Variants in ACTL6B observed in about 807,000 individuals in gnomAD.
The protein encoded by ACTL6B is actin-like protein 6B.
ACTL6B carries 48 observed loss-of-function variants against 63.3 expected under a neutral mutation model. That is an observed-to-expected ratio of 0.76 (90% CI 0.60 to 0.96). The LOEUF is 0.96. Among genes scored for constraint, ACTL6B ranks in the 50% least tolerant of loss-of-function variants. The pLI, the probability that ACTL6B is intolerant of heterozygous loss-of-function variation, is 0.00. For synonymous variants in ACTL6B, 230 were observed against 223.8 expected (o/e 1.03, Z -0.25); for missense variants, 350 against 572.2 (o/e 0.61, Z 3.96).
At chr7:100,652,193 T>A (rs981866850) in intron 4 of ACTL6B, among the ~76,000 whole-genome samples, 1 of 151,870 alleles carries the variant, frequency 6.6e-6, no homozygotes, top group African/African-American at 2.4e-5. Flanking sequence ...GGTCAGGAGA[T>A]GGAGACCATC....
intron 13 of ACTL6B, among the ~76,000 whole-genome samples, chr7:100,644,145 C>T (rs932955322): frequency 6.6e-6 from 1 of 152,196 alleles, no homozygotes; most frequent in Non-Finnish European, 1.5e-5. Context: ...GATGATCCGC[C>T]CGCCTCGGCC....
chr7:100,656,235 C>T, intron 1 of ACTL6B, 95 bp downstream of exon 1: 2 of 1,298,992 alleles, frequency 1.5e-6, no homozygotes, highest in Non-Finnish European at 2.0e-6. Context: ...CGCTCGTGCG[C>T]GGAGGTGACA....
At chr7:100,649,330 A>G (rs1380900792) in intron 5 of ACTL6B, among the ~76,000 whole-genome samples, 1 of 146,182 alleles carries the variant, frequency 6.8e-6, no homozygotes, top group Non-Finnish European at 1.5e-5. Flanking sequence ...TTTTTTTGAA[A>G]CTGAGTTTCG....
At position 100,646,273 on chromosome 7, in the gene ACTL6B, G is replaced by T. The variant is rs911163354; in HGVS notation, c.1176C>A (p.Ile392=). The T allele has an allele frequency of 5.0e-6, 8 of 1,614,168 alleles. No homozygotes were observed. Among genetic ancestry groups the T allele is most frequent in the African/African-American group, 4.0e-5 (3 of 75,060 alleles). The change falls in exon 13 of 14, where the codon ATC becomes ATA. Residue 392 remains isoleucine (I), a synonymous_variant. Transcript: ENST00000160382. This position sits in a 1 kb window ranked among gnomAD's most constrained non-coding sequence, Gnocchi z 6.1. ...STMERKFSPW[I]GGSILASLGT... Reference sequence around the variant, plus strand: ...CCAGTGAGGCCAGGATGGAACCCCCGATCCAGGGGCTGAACTTGCGCTCCA... The same window carrying T: ...CCAGTGAGGCCAGGATGGAACCCCCTATCCAGGGGCTGAACTTGCGCTCCA...
chr7:100,652,402 A>G (rs1321066468), intron 4 of ACTL6B, among the ~76,000 whole-genome samples: 1 of 149,020 alleles, frequency 6.7e-6, no homozygotes, highest in Non-Finnish European at 1.5e-5. Context: ...AGCCTGGGCA[A>G]CAGAGTGAGA....
chr7:100,644,913 A>G (rs989446552), intron 13 of ACTL6B, among the ~76,000 whole-genome samples: 4 of 152,078 alleles, frequency 2.6e-5, no homozygotes, highest in Non-Finnish European at 5.9e-5. Flanking sequence ...AAAATTAGCC[A>G]GGCGTGGTGG....
At chr7:100,643,987 C>T (rs1023107020) in intron 13 of ACTL6B, among the ~76,000 whole-genome samples, 1 of 152,140 alleles carries the variant, frequency 6.6e-6, no homozygotes, top group Non-Finnish European at 1.5e-5. Context: ...GCAGCCTCCG[C>T]CTCCCAGGTT....
At chr7:100,651,910 T>C (rs1205211296) in intron 4 of ACTL6B, among the ~76,000 whole-genome samples, 1 of 151,766 alleles carries the variant, frequency 6.6e-6, no homozygotes, top group Non-Finnish European at 1.5e-5. Context: ...ACCTGCTCCA[T>C]GAAAACAAAG....
rs540972167 is a variant in ACTL6B at position 100,651,201 on chromosome 7, A to C, written c.370-1066T>G. ...GGATACCTAGCTAAGCTATCAACTC[A>C]AGGTGAGACACACAAAAGTCTCAAA... On this transcript the variant is annotated intron_variant, in intron 4 of 13. Transcript: ENST00000160382. 1.9e-4 allele frequency among the ~76,000 whole-genome samples: 10 copies of C among 51,544 alleles called. No individual in the cohort carries two copies. In the East Asian group the frequency reaches 5.9e-3, roughly 30 times the overall value. 33.8% of individuals were successfully genotyped at this position (51,544 alleles called of 152,430 possible).
intron 1 of ACTL6B, 109 bp downstream of exon 1, chr7:100,656,221 G>T: frequency 1.6e-6 from 2 of 1,260,334 alleles, no homozygotes; most frequent in South Asian, 2.0e-5. Flanking sequence ...CCTGAGACTC[G>T]ACCCGCTCGT....
At chr7:100,651,321 C>T (rs578189120) in intron 4 of ACTL6B, among the ~76,000 whole-genome samples, 25 of 152,108 alleles carry the variant, frequency 1.6e-4, no homozygotes, top group South Asian at 4.2e-4. Context: ...GAGGCCAAGG[C>T]GGGCAGATCA....
In ACTL6B at chr7:100,647,613, C is replaced by T; in HGVS notation, c.670-80G>A. The T allele has an allele frequency of 1.9e-6, 2 of 1,061,402 alleles. No individual in the cohort carries two copies. Among genetic ancestry groups the T allele is most frequent in the South Asian group, 3.1e-5 (2 of 65,140 alleles). 65.7% of individuals were successfully genotyped at this position (1,061,402 alleles called of 1,614,324 possible). A position where few individuals can be genotyped will look rare whatever the true frequency, so the allele number is the denominator to read the frequency against. On this transcript the variant is annotated intron_variant, in intron 7 of 13. Transcript: ENST00000160382. This position sits in a 1 kb window ranked among gnomAD's most constrained non-coding sequence, Gnocchi z 4.4. ...CACCTTCCTGGCACTGTTCCCAGCTCTGCAGCTACCTGGCGCTGCAGGCTC... is the reference window on the plus strand; with the variant it reads ...CACCTTCCTGGCACTGTTCCCAGCTTTGCAGCTACCTGGCGCTGCAGGCTC...
intron 4 of ACTL6B, among the ~76,000 whole-genome samples, chr7:100,652,440 A>G (rs1338531954): frequency 7.3e-6 from 1 of 137,068 alleles, no homozygotes; most frequent in Non-Finnish European, 1.6e-5. Flanking sequence ...AAAAAAAAAT[A>G]CAAAAAATTA....
Position 100,654,981 on chromosome 7 carries a change from A to G in ACTL6B, c.369+38T>C, listed in dbSNP as rs1368910197. 7.8e-6 allele frequency: 12 copies of G among 1,539,740 alleles called. No individual in the cohort carries two copies. The East Asian group carries it at 2.7e-4, about 35-fold the overall frequency. ...GGATGGTGGGAAGGAGGTGCAGTGG[A>G]GATCAGGGTTGGACATGAGGATGGA... On this transcript the variant is annotated intron_variant, in intron 4 of 13. Transcript: ENST00000160382.
chr7:100,652,601 A>G (rs1449535558), intron 4 of ACTL6B, among the ~76,000 whole-genome samples: 2 of 151,628 alleles, frequency 1.3e-5, no homozygotes, highest in African/African-American at 4.8e-5. Flanking sequence ...AAAAAAAAAA[A>G]AAAGAAATTG....
At chr7:100,652,817 A>G (rs899381656) in intron 4 of ACTL6B, among the ~76,000 whole-genome samples, 2 of 150,922 alleles carry the variant, frequency 1.3e-5, no homozygotes, top group African/African-American at 2.4e-5. Flanking sequence ...CCCGGCCAAC[A>G]TGGTGAAACC....
At chr7:100,652,933 G>A (rs894896725) in intron 4 of ACTL6B, among the ~76,000 whole-genome samples, 13 of 142,652 alleles carry the variant, frequency 9.1e-5, no homozygotes, top group African/African-American at 1.3e-4. Flanking sequence ...CCCGGGAGGC[G>A]GAGCTTGCAG....
intron 4 of ACTL6B, among the ~76,000 whole-genome samples, chr7:100,651,486 G>C (rs1464783519): frequency 6.6e-6 from 1 of 151,320 alleles, no homozygotes; most frequent in Non-Finnish European, 1.5e-5. Context: ...GGAAGCGGAG[G>C]TTGCAGTGAG....
rs572248431 is a variant in ACTL6B, at chr7:100,643,363, T to C, written c.1201-37A>G. ...GGGTAATATCAGGGTCAGGGTGGCC[T>C]TGGAGGGAGGTGTGGACAGGCAGGT... On this transcript the variant is annotated intron_variant, in intron 13 of 13. Transcript: ENST00000160382. 8.7e-6 allele frequency: 14 copies of C among 1,609,336 alleles called. No individual in the cohort carries two copies. In the African/African-American group the frequency reaches 1.9e-4, roughly 21 times the overall value.
Sources: allele counts gnomAD v4.1 joint callset (sites outside exome capture counted in the v4.1 genomes callset), GRCh38; gene constraint gnomAD v4.1.1; non-coding constraint Gnocchi (gnomAD v3.1); transcripts MANE v1.5; gene names NCBI Gene and HGNC (gene_info 2026-07-23, HGNC 2026-07-21).